TERF1: variants seen among roughly 807,000 people sequenced by gnomAD.
TERF1 encodes telomeric repeat-binding factor 1.
TERF1 carries 20 observed loss-of-function variants against 55.1 expected under a neutral mutation model. That is an observed-to-expected ratio of 0.36 (90% CI 0.26 to 0.53). TERF1 has a LOEUF of 0.53. TERF1 is among the 20% of genes least tolerant of loss of function. The pLI is 0.91. For missense variants in TERF1, 439 were observed against 535.7 expected, an observed-to-expected ratio of 0.82 and a Z score of 1.78; for synonymous variants, 168 against 181.2, an observed-to-expected ratio of 0.93 and a Z score of 0.59.
chr8:73,022,200 A>AT lies in TERF1; in HGVS notation c.538-11dup. The AT allele has an allele frequency of 6.5e-7, 1 of 1,542,510 alleles. No homozygotes were observed. The highest frequency in any genetic ancestry group is 8.8e-7 in the Non-Finnish European group (1 of 1,136,512). On this transcript the variant is annotated splice_polypyrimidine_tract_variant and intron_variant, in intron 3 of 9. Transcript: ENST00000276603. ...TTTATAAACGCAGTCTAAGGTTGGTATTTTTCATCTTTTAGGCTATAGCTG... is the reference window on the plus strand; with the variant it reads ...TTTATAAACGCAGTCTAAGGTTGGTATTTTTTCATCTTTTAGGCTATAGCTG...
intron 2 of TERF1, among the ~76,000 whole-genome samples, chr8:73,015,013 A>G (rs912314110): frequency 3.3e-5 from 5 of 152,220 alleles, no homozygotes; most frequent in Admixed American, 6.5e-5. Flanking sequence ...TGTTTTCTAC[A>G]TTAAGGTGGA....
rs184012839 is a variant in TERF1 at position 73,027,755 on chromosome 8, A to G, written c.887+703A>G. On this transcript the variant is annotated intron_variant, in intron 6 of 9. Coordinates refer to ENST00000276603, the MANE Select transcript of TERF1 (RefSeq NM_017489.3). Reference sequence around the variant, plus strand: ...AAATCTCTGTGGTCTCTGGATGGGTATATTTGGAAATGGATGTAATATTAC... The same window carrying G: ...AAATCTCTGTGGTCTCTGGATGGGTGTATTTGGAAATGGATGTAATATTAC... Among the ~76,000 whole-genome samples, 36 of 152,254 alleles carry G rather than the reference A, an allele frequency of 2.4e-4. 1 individual carries two copies. The highest frequency in any genetic ancestry group is 2.2e-3 in the Admixed American group (33 of 15,294).
At chr8:73,015,563 C>T (rs999521304) in intron 2 of TERF1, among the ~76,000 whole-genome samples, 1 of 151,906 alleles carries the variant, frequency 6.6e-6, no homozygotes, top group Non-Finnish European at 1.5e-5. Context: ...ATTGGCTGGG[C>T]GTGGTGATTC....
intron 2 of TERF1, among the ~76,000 whole-genome samples, chr8:73,018,187 A>G (rs1808602953): frequency 6.6e-6 from 1 of 152,068 alleles, no homozygotes; most frequent in African/African-American, 2.4e-5. Flanking sequence ...TCATGTTTGT[A>G]TCTTAAGTAC....
At position 73,013,878 on chromosome 8, in the gene TERF1, C is replaced by T; in HGVS notation, c.320-17C>T. The T allele has an allele frequency of 6.4e-7, 1 of 1,562,070 alleles. No individual in the cohort carries two copies. Among genetic ancestry groups the T allele is most frequent in the Non-Finnish European group, 8.7e-7 (1 of 1,143,988 alleles). Reference sequence around the variant, plus strand: ...TCAAGTTTGATTTTAATAAAATTTACTTTTTTTCTTTTTTAGCTATTATTC... The same window carrying T: ...TCAAGTTTGATTTTAATAAAATTTATTTTTTTTCTTTTTTAGCTATTATTC... On this transcript the variant is annotated splice_polypyrimidine_tract_variant and intron_variant, in intron 1 of 9. Transcript: ENST00000276603.
At chr8:73,018,760 G>T (rs753122365) in intron 2 of TERF1, among the ~76,000 whole-genome samples, 6 of 152,158 alleles carry the variant, frequency 3.9e-5, no homozygotes, top group Non-Finnish European at 7.4e-5. Context: ...CTACAACTGT[G>T]CTAGGAATTA....
At chr8:73,026,246 C>A (rs927662810) in intron 5 of TERF1, among the ~76,000 whole-genome samples, 1 of 148,312 alleles carries the variant, frequency 6.7e-6, no homozygotes, top group Non-Finnish European at 1.5e-5. Context: ...GCCTGTAATC[C>A]CAGCACTTTG....
intron 1 of TERF1, 190 bp from the exon 2 acceptor site, chr8:73,013,705 A>T (rs1187953846): frequency 3.6e-6 from 2 of 552,938 alleles, no homozygotes; most frequent in Non-Finnish European, 6.5e-6. Flanking sequence ...TGTGAAAGTT[A>T]TATTTTGTAA....
intron 7 of TERF1, 121 bp downstream of exon 7, chr8:73,030,516 T>G: frequency 1.6e-6 from 1 of 619,652 alleles, no homozygotes; most frequent in South Asian, 3.5e-5. Flanking sequence ...AGGGTCCTAG[T>G]TAGCCCAACA....
chr8:73,030,233 TA>T, intron 6 of TERF1, 102 bp from the exon 7 acceptor site: 1 of 740,278 alleles, frequency 1.4e-6, no homozygotes, highest in Non-Finnish European at 2.1e-6. Context: ...TTTCCAAAGT[TA>T]TTTTTTTATA....
In TERF1 at chr8:73,022,215, G is replaced by T; in HGVS notation, c.538-1G>T. ...TAAGGTTGGTATTTTTCATCTTTTA[G>T]GCTATAGCTGTTTGTATGGAAAATG... On this transcript the variant is annotated splice_acceptor_variant, in intron 3 of 9. Transcript: ENST00000276603. LOFTEE classifies it high-confidence loss of function. 6.3e-7 allele frequency: 1 copy of T among 1,579,172 alleles called. No homozygotes were observed. Among genetic ancestry groups the T allele is most frequent in the Admixed American group, 1.9e-5 (1 of 53,566 alleles).
chr8:73,037,464 T>C (rs1319126986), intron 8 of TERF1, among the ~76,000 whole-genome samples: 1 of 96,210 alleles, frequency 1.0e-5, no homozygotes, highest in East Asian at 2.9e-4. Flanking sequence ...TATATTAACA[T>C]ATAAAATATA....
intron 8 of TERF1, among the ~76,000 whole-genome samples, chr8:73,037,958 T>C (rs1809672465): frequency 7.4e-6 from 1 of 134,908 alleles, no homozygotes; most frequent in South Asian, 2.2e-4. Flanking sequence ...AACATATATA[T>C]ATTTTTCCCC....
chr8:73,043,815 C>T (rs2129926069), intron 9 of TERF1, among the ~76,000 whole-genome samples: 1 of 152,252 alleles, frequency 6.6e-6, no homozygotes, highest in East Asian at 1.9e-4. Flanking sequence ...AACAAGAAAA[C>T]AATGCTGTAT....
chr8:73,039,202 C>G lies in TERF1; in HGVS notation c.1126C>G (p.Arg376Gly), dbSNP rs576511615. ...TCAGCCGGTAACTCCTGAAAAACAT[C>G]GAGCTAGAAAAAGACAGGTATTTGG... The part of the protein sequence containing the change: ...KSQPVTPEKH[R>G]ARKRQAWLWE... The change falls in exon 9 of 10, where the codon CGA (arginine) becomes GGA (glycine). Residue 376 changes from arginine (R) to glycine (G), a missense_variant. By Grantham distance (125) the Arg-to-Gly change is moderately radical. This residue lies in a region of TERF1 where 140 missense variants were observed against 158.6 expected (regional missense o/e 0.88). Transcript: ENST00000276603. 7.1e-5 allele frequency: 114 copies of G among 1,601,902 alleles called. No individual in the cohort carries two copies. In the South Asian group the frequency reaches 1.3e-3, roughly 18 times the overall value.
chr8:73,022,112 T>C, intron 3 of TERF1, 104 bp from the exon 4 acceptor site: 1 of 616,044 alleles, frequency 1.6e-6, no homozygotes, highest in South Asian at 2.2e-5. Flanking sequence ...TACATAAAAA[T>C]GTTCTCAACA....
At chr8:73,036,424 A>G (rs542792313) in intron 8 of TERF1, among the ~76,000 whole-genome samples, 83 of 152,290 alleles carry the variant, frequency 5.5e-4, no homozygotes, top group African/African-American at 1.8e-3. Context: ...TATACGAAGA[A>G]CCCTGTTGAG....
rs974842302 is a variant in TERF1 at position 73,047,509 on chromosome 8, T to C, written c.*1372T>C. ...CATACCTTACTAAACAATTTTGGTT[T>C]TTCACCAACATTTTATTCTTTAAAA... On this transcript the variant is annotated 3_prime_UTR_variant, in exon 10 of 10. Transcript: ENST00000276603. The C allele has an allele frequency of 1.3e-5, 2 of 152,194 alleles. No individual in the cohort carries two copies. The highest frequency in any genetic ancestry group is 6.5e-5 in the Admixed American group (1 of 15,282). 9.4% of individuals were successfully genotyped at this position (152,194 alleles called of 1,614,324 possible). A position where few individuals can be genotyped will look rare whatever the true frequency, so the allele number is the denominator to read the frequency against.
chr8:73,037,298 A>G (rs1248863629), intron 8 of TERF1, among the ~76,000 whole-genome samples: 1 of 136,320 alleles, frequency 7.3e-6, no homozygotes, highest in Non-Finnish European at 1.5e-5. Flanking sequence ...TATCTATCTT[A>G]TCTACCTATC....
Sources: allele counts gnomAD v4.1 joint callset (sites outside exome capture counted in the v4.1 genomes callset), GRCh38; gene constraint gnomAD v4.1.1; regional missense constraint gnomAD v4.1.1; transcripts MANE v1.5; gene names NCBI Gene and HGNC (gene_info 2026-07-23, HGNC 2026-07-21).